Variants in SHANK2 observed in about 807,000 individuals in gnomAD.
SHANK2 encodes SH3 and multiple ankyrin repeat domains 2.
A neutral mutation model predicts 133.7 loss-of-function variants in SHANK2; 43 were observed. That is an observed-to-expected ratio of 0.32 (90% CI 0.25 to 0.41). The LOEUF is 0.41. Among genes scored for constraint, SHANK2 ranks in the 10% least tolerant of loss-of-function variants. The pLI, the probability that SHANK2 is intolerant of heterozygous loss-of-function variation, is 1.00. For synonymous variants in SHANK2, 1,017 were observed against 952.8 expected (o/e 1.07, Z -1.24); for missense variants, 1,994 against 2,235.8 (o/e 0.89, Z 2.18).
intron 2 of SHANK2, among the ~76,000 whole-genome samples, chr11:71,184,054 C>A (rs1555114152): frequency 1.3e-5 from 2 of 152,166 alleles, no homozygotes; most frequent in Non-Finnish European, 1.5e-5. Flanking sequence ...GGCTACAACC[C>A]TGACGACTCC....
chr11:70,905,850 C>T (rs1555077865), intron 10 of SHANK2, among the ~76,000 whole-genome samples: 4 of 140,064 alleles, frequency 2.9e-5, no homozygotes, highest in Admixed American at 7.5e-5. Context: ...TCGCTCTTGT[C>T]GCCCAGGCTT....
At chr11:71,210,925 A>G (rs1459452404) in intron 2 of SHANK2, among the ~76,000 whole-genome samples, 5 of 152,194 alleles carry the variant, frequency 3.3e-5, no homozygotes, top group African/African-American at 4.8e-5. Context: ...TTGGGGAAAC[A>G]TAACAGGTCC....
At chr11:70,934,204 C>G (rs1470897877) in intron 10 of SHANK2, among the ~76,000 whole-genome samples, 5 of 149,526 alleles carry the variant, frequency 3.3e-5, no homozygotes, top group Non-Finnish European at 5.9e-5. Context: ...TGCACTCCAG[C>G]CTGGGCAACA....
chr11:70,933,091 T>G (rs1590847334), intron 10 of SHANK2: 1 of 456,320 alleles, frequency 2.2e-6, no homozygotes, highest in South Asian at 1.5e-5. Flanking sequence ...TGATTCACAC[T>G]AGCCAGAAGG....
Position 70,487,302 on chromosome 11 carries a change from G to A in SHANK2, c.2991C>T (p.Ser997=), listed in dbSNP as rs1220746755. 3.1e-6 allele frequency: 5 copies of A among 1,614,098 alleles called. No homozygotes were observed. The highest frequency in any genetic ancestry group is 4.2e-6 in the Non-Finnish European group (5 of 1,180,054). ...GCTTGGCGGGGACGTAGACGGCTTT[G>A]CTGGCGATCTTCCCCACCTCTGAGT... ...NPYSEVGKIA[S]KAVYVPAKPA... The change falls in exon 25 of 26, where the codon AGC becomes AGT. Residue 997 remains serine (S), a synonymous_variant. Transcript: ENST00000601538. This position sits in a 1 kb window ranked among gnomAD's most constrained non-coding sequence, Gnocchi z 5.8.
intron 21 of SHANK2, among the ~76,000 whole-genome samples, chr11:70,499,947 G>A (rs933202363): frequency 6.6e-6 from 1 of 152,214 alleles, no homozygotes; most frequent in Non-Finnish European, 1.5e-5. Flanking sequence ...TGTTGGGGGA[G>A]CTGTGTCCAG....
chr11:70,798,834 A>G (rs1555049826), intron 13 of SHANK2, among the ~76,000 whole-genome samples: 1 of 152,172 alleles, frequency 6.6e-6, no homozygotes, highest in Non-Finnish European at 1.5e-5. Context: ...ATCTGACACC[A>G]CGTCATATGA....
chr11:71,104,893 C>T (rs1951779588), intron 6 of SHANK2, among the ~76,000 whole-genome samples: 1 of 152,210 alleles, frequency 6.6e-6, no homozygotes, highest in Admixed American at 6.5e-5. Context: ...CTGCACTTGG[C>T]CTTCGGTTTC....
rs782267703 is a variant in SHANK2, at chr11:70,487,197, C to T, written c.3096G>A (p.Pro1032=). 3.1e-6 allele frequency: 5 copies of T among 1,613,814 alleles called. No homozygotes were observed. Among genetic ancestry groups the T allele is most frequent in the Non-Finnish European group, 3.4e-6 (4 of 1,180,034 alleles). The stretch of plus-strand genomic sequence containing the variant: ...TGGACGGCTCCTTCACGATGATGGT[C>T]GGGATAGGGATGGAGCACGTCTTCT... ...SPEKTCSIPI[P]TIIVKEPSTS... The change falls in exon 25 of 26, where the codon CCG becomes CCA. Residue 1032 remains proline, a synonymous_variant. Coordinates refer to ENST00000601538, the MANE Select transcript of SHANK2 (RefSeq NM_012309.5). This position sits in a 1 kb window ranked among gnomAD's most constrained non-coding sequence, Gnocchi z 5.8.
chr11:70,613,764 T>TTTTTTG lies in SHANK2; in HGVS notation c.2061+46063_2061+46064insCAAAAA, dbSNP rs1491199350. Among the ~76,000 whole-genome samples the TTTTTTG allele has an allele frequency of 2.8e-3, 3 of 1,086 alleles. 1 individual carries two copies. The highest frequency in any genetic ancestry group is 8.6e-3 in the Non-Finnish European group (3 of 350). 0.7% of individuals were successfully genotyped at this position (1,086 alleles called of 152,430 possible). On this transcript the variant is annotated intron_variant, in intron 17 of 25. Coordinates refer to ENST00000601538, the MANE Select transcript of SHANK2 (RefSeq NM_012309.5). ...GTCCTTGTAAGAAGAGGGGAACTTGTTTTTTTTTTTTTTTCTTTGAGATGG... is the reference window on the plus strand; with the variant it reads ...GTCCTTGTAAGAAGAGGGGAACTTGTTTTTTGTTTTTTTTTTTTTTCTTTGAGATGG...
At chr11:70,910,357 A>G (rs1314557767) in intron 10 of SHANK2, among the ~76,000 whole-genome samples, 1 of 152,188 alleles carries the variant, frequency 6.6e-6, no homozygotes, top group African/African-American at 2.4e-5. Flanking sequence ...AAGGCTTGAG[A>G]ATCTCTCCCC....
intron 11 of SHANK2, among the ~76,000 whole-genome samples, chr11:70,867,207 G>A (rs1949378268): frequency 1.3e-5 from 2 of 152,314 alleles, no homozygotes; most frequent in East Asian, 1.9e-4. Context: ...ATACGAAGGT[G>A]CCATCCTGAG....
At position 70,471,048 on chromosome 11, in the gene SHANK2, T is replaced by C. The variant is rs1424091987; in HGVS notation, c.*1821A>G. 2 of 372,016 alleles carry C rather than the reference T, an allele frequency of 5.4e-6. No individual in the cohort carries two copies. The highest frequency in any genetic ancestry group is 2.1e-5 in the African/African-American group (1 of 48,230). 23.0% of individuals were successfully genotyped at this position (372,016 alleles called of 1,614,324 possible). ...TACTTTTATAATTATTCCACAGAAA[T>C]AGTATTATTAAATCACAAAAGTTTT... On this transcript the variant is annotated 3_prime_UTR_variant, in exon 26 of 26. Transcript: ENST00000601538. The surrounding 1 kb of genome is among the most constrained non-coding windows in gnomAD (Gnocchi z 4.1).
chr11:70,840,810 G>A (rs1341876467), intron 11 of SHANK2, among the ~76,000 whole-genome samples: 1 of 152,148 alleles, frequency 6.6e-6, no homozygotes, highest in African/African-American at 2.4e-5. Context: ...TGCAGTGGGG[G>A]TTCTCATGCT....
At chr11:70,640,144 A>G (rs919199217) in intron 17 of SHANK2, among the ~76,000 whole-genome samples, 35 of 152,218 alleles carry the variant, frequency 2.3e-4, no homozygotes, top group African/African-American at 8.2e-4. Flanking sequence ...CCCAGGTCCT[A>G]ATCTCCGGAA....
intron 21 of SHANK2, among the ~76,000 whole-genome samples, chr11:70,498,708 A>G (rs548169067): frequency 6.6e-6 from 1 of 152,362 alleles, no homozygotes; most frequent in Non-Finnish European, 1.5e-5. Context: ...GTGCTTTGCC[A>G]GGGATGTTAT....
chr11:70,839,381 G>A (rs782384722), intron 11 of SHANK2, among the ~76,000 whole-genome samples: 45 of 152,326 alleles, frequency 3.0e-4, no homozygotes, highest in Non-Finnish European at 5.4e-4. Context: ...ACAGCCCGTG[G>A]TATCCGGCAG....
rs1555158866 is a variant in SHANK2 at position 70,502,268 on chromosome 11, C to T, written c.2216G>A (p.Arg739Gln). The change falls in exon 19 of 26, where the codon CGG becomes CAG. Residue 739 changes from arginine (R) to glutamine (Q), a missense_variant. Physicochemically the swap from Arg to Gln is conservative, Grantham distance 43 (BLOSUM62 1). Around this residue, in one of 5 missense-constraint regions of SHANK2, gnomAD observed 488 missense variants for 642.6 expected, o/e 0.76. Transcript: ENST00000601538. ...CAGGGTGAGGGCTGTGGTCGGTGCC[C>T]GCTTTGGAGGCGGGGGAGCTGGAGG... is the stretch of plus-strand genomic sequence containing the variant. ...ARKKAPPPPK[R>Q]APTTALTLRS... is the part of the protein sequence containing the mutation. The T allele has an allele frequency of 5.8e-6, 9 of 1,557,568 alleles. No individual in the cohort carries two copies. Among genetic ancestry groups the T allele is most frequent in the African/African-American group, 1.3e-5 (1 of 74,106 alleles).
At chr11:71,084,703 G>A (rs1323279830) in intron 8 of SHANK2, among the ~76,000 whole-genome samples, 4 of 152,200 alleles carry the variant, frequency 2.6e-5, no homozygotes, top group Non-Finnish European at 5.9e-5. Flanking sequence ...TGCCACAAAT[G>A]TGCTGTGAGT....
Sources: allele counts gnomAD v4.1 joint callset (sites outside exome capture counted in the v4.1 genomes callset), GRCh38; gene constraint gnomAD v4.1.1; regional missense constraint gnomAD v4.1.1; non-coding constraint Gnocchi (gnomAD v3.1); transcripts MANE v1.5; gene names NCBI Gene and HGNC (gene_info 2026-07-23, HGNC 2026-07-21).